Variants in MAP2 observed in about 807,000 individuals in gnomAD.
The protein encoded by MAP2 is microtubule-associated protein 2.
Under a neutral mutation model 137.6 loss-of-function variants are expected in MAP2, and 14 were observed. The observed-to-expected ratio is 0.10, with a 90% CI of 0.07 to 0.16. MAP2 has a LOEUF of 0.16. MAP2 is among the 10% of genes least tolerant of loss of function. MAP2 has a pLI of 1.00. For missense variants in MAP2, 2,088 were observed against 2,191.5 expected (o/e 0.95, Z 0.94); for synonymous variants, 786 against 782.3 (o/e 1.00, Z -0.08).
chr2:209,720,677 CAGAGATTAA>C (rs2070278795), intron 13 of MAP2, among the ~76,000 whole-genome samples: 1 of 148,470 alleles, frequency 6.7e-6, no homozygotes, highest in Non-Finnish European at 1.5e-5. Context: ...AATAAATTGG[CAGAGATTAA>C]AATGTGATTT....
At chr2:209,476,542 G>A (rs981452648) in intron 1 of MAP2, among the ~76,000 whole-genome samples, 1 of 151,974 alleles carries the variant, frequency 6.6e-6, no homozygotes, top group South Asian at 2.1e-4. Context: ...ATTAAAACTG[G>A]GCAGAAAGCC....
chr2:209,547,991 T>G (rs1386308450), intron 2 of MAP2, among the ~76,000 whole-genome samples: 1 of 152,196 alleles, frequency 6.6e-6, no homozygotes, highest in Admixed American at 6.5e-5. Context: ...GCATCTCCTT[T>G]TCCCATTTTT....
chr2:209,493,576 TAAAC>T, intron 1 of MAP2, among the ~76,000 whole-genome samples: 1 of 152,182 alleles, frequency 6.6e-6, no homozygotes, highest in South Asian at 2.1e-4. Context: ...ACAAGGAACT[TAAAC>T]AAATTCACAA....
intron 3 of MAP2, among the ~76,000 whole-genome samples, chr2:209,590,377 C>G (rs13383482): frequency 0.064 from 9,784 of 152,012 alleles, 562 homozygotes; most frequent in African/African-American, 0.15. Context: ...CTCTTGTTGC[C>G]CAGGCTGGAG....
intron 3 of MAP2, among the ~76,000 whole-genome samples, chr2:209,611,258 T>C (rs2086761737): frequency 6.6e-6 from 1 of 152,112 alleles, no homozygotes; most frequent in Non-Finnish European, 1.5e-5. Context: ...TGTAGATTCC[T>C]GGACCCACTA....
Position 209,601,050 on chromosome 2 carries a change from G to A in MAP2, c.-107+20950G>A, listed in dbSNP as rs527609511. On this transcript the variant is annotated intron_variant, in intron 3 of 15. Coordinates refer to ENST00000682079, the MANE Select transcript of MAP2 (RefSeq NM_001375505.1). ...CTTGTCAAGTTGCTCTGTAGGCACA[G>A]GTTTCTCACCAGTAAATTTCAATAA... 3.3e-5 allele frequency among the ~76,000 whole-genome samples: 5 copies of A among 152,208 alleles called. No individual in the cohort carries two copies. The South Asian group carries it at 1.0e-3, about 32-fold the overall frequency.
intron 1 of MAP2, among the ~76,000 whole-genome samples, chr2:209,453,933 C>G (rs1700874841): frequency 6.6e-6 from 1 of 151,968 alleles, no homozygotes; most frequent in Non-Finnish European, 1.5e-5. Context: ...GGGTGGATCA[C>G]AAGGTCAGGA....
At chr2:209,636,504 A>T (rs908032693) in intron 4 of MAP2, among the ~76,000 whole-genome samples, 1 of 151,762 alleles carries the variant, frequency 6.6e-6, no homozygotes, top group African/African-American at 2.4e-5. Flanking sequence ...AGAGAACTTT[A>T]TTTTAAAAGC....
chr2:209,631,563 T>C (rs1182073288), intron 4 of MAP2, among the ~76,000 whole-genome samples: 1 of 151,790 alleles, frequency 6.6e-6, no homozygotes, highest in Non-Finnish European at 1.5e-5. Context: ...CTCAGGCTTC[T>C]GTTGTTGGCA....
chr2:209,445,184 T>C (rs552211362), intron 1 of MAP2, among the ~76,000 whole-genome samples: 1 of 151,746 alleles, frequency 6.6e-6, no homozygotes, highest in African/African-American at 2.4e-5. Context: ...TATTAAAAAT[T>C]GCTAATAAAG....
intron 4 of MAP2, among the ~76,000 whole-genome samples, chr2:209,629,500 C>A (rs1348483086): frequency 1.3e-5 from 2 of 152,148 alleles, no homozygotes; most frequent in Non-Finnish European, 2.9e-5. Flanking sequence ...TTTCACCATC[C>A]TCTCTGAAAA....
intron 2 of MAP2, among the ~76,000 whole-genome samples, chr2:209,514,667 T>G (rs188647109): frequency 3.2e-3 from 491 of 152,244 alleles, no homozygotes; most frequent in Non-Finnish European, 5.6e-3. Flanking sequence ...ATTAATGAAT[T>G]TCTTTATTAT....
At chr2:209,616,894 T>C (rs1370428956) in intron 3 of MAP2, among the ~76,000 whole-genome samples, 1 of 152,102 alleles carries the variant, frequency 6.6e-6, no homozygotes, top group African/African-American at 2.4e-5. Context: ...TGTAGAAATA[T>C]GGTTGGACAA....
chr2:209,433,535 T>C (rs1325057926), intron 1 of MAP2, among the ~76,000 whole-genome samples: 1 of 152,122 alleles, frequency 6.6e-6, no homozygotes, highest in Non-Finnish European at 1.5e-5. Context: ...TAACTTGCAC[T>C]GCACTGTAAT....
chr2:209,473,693 T>C (rs1706404553), intron 1 of MAP2, among the ~76,000 whole-genome samples: 1 of 152,072 alleles, frequency 6.6e-6, no homozygotes, highest in Admixed American at 6.6e-5. Context: ...GAATTATTAA[T>C]AGAGATCTCT....
In MAP2 at chr2:209,460,651, C is replaced by G. The variant is rs566261773; in HGVS notation, c.-222+36375C>G. ...ATTTTTTTCTCTTTCTTTTCACTCTCTTTTTTCATCTTTTAACTAATTTAT... is the reference window on the plus strand; with the variant it reads ...ATTTTTTTCTCTTTCTTTTCACTCTGTTTTTTCATCTTTTAACTAATTTAT... On this transcript the variant is annotated intron_variant, in intron 1 of 15. Coordinates refer to ENST00000682079, the MANE Select transcript of MAP2 (RefSeq NM_001375505.1). Among the ~76,000 whole-genome samples, 103 of 147,898 alleles carry G rather than the reference C, an allele frequency of 7.0e-4. 1 individual carries two copies. Among genetic ancestry groups the G allele is most frequent in the African/African-American group, 2.3e-3 (93 of 40,080 alleles).
At chr2:209,457,224 T>C (rs1159384924) in intron 1 of MAP2, among the ~76,000 whole-genome samples, 1 of 152,208 alleles carries the variant, frequency 6.6e-6, no homozygotes, top group Non-Finnish European at 1.5e-5. Flanking sequence ...GGCTTGGCTA[T>C]GGCAGCTACC....
At chr2:209,638,211 CCTGATT>C in intron 4 of MAP2, among the ~76,000 whole-genome samples, 1 of 152,150 alleles carries the variant, frequency 6.6e-6, no homozygotes, top group East Asian at 1.9e-4. Context: ...TGGAAATCAA[CCTGATT>C]CCTAGAATTC....
At chr2:209,509,081 A>C (rs1326155175) in intron 2 of MAP2, among the ~76,000 whole-genome samples, 7 of 151,932 alleles carry the variant, frequency 4.6e-5, no homozygotes, top group Non-Finnish European at 1.0e-4. Context: ...ATGAGAGGTA[A>C]ACTTTTCCTT....
Sources: allele counts gnomAD v4.1 joint callset (sites outside exome capture counted in the v4.1 genomes callset), GRCh38; gene constraint gnomAD v4.1.1; transcripts MANE v1.5; gene names NCBI Gene and HGNC (gene_info 2026-07-23, HGNC 2026-07-21).